The following EYS variants were observed in gnomAD, a reference collection of about 807,000 sequenced individuals.
EYS encodes the protein EGF-like photoreceptor maintenance factor.
EYS carries 250 observed loss-of-function variants against 282.1 expected under a neutral mutation model. The observed-to-expected ratio is 0.89, with a 90% CI of 0.80 to 0.98. The LOEUF (loss-of-function observed/expected upper bound fraction) is 0.98. Among genes scored for constraint, EYS ranks in the 50% least tolerant of loss-of-function variants. EYS has a pLI of 0.00. For synonymous variants in EYS, 1,355 were observed against 1,282.9 expected (o/e 1.06, Z -1.20); for missense variants, 4,016 against 3,709.0 (o/e 1.08, Z -2.15).
intron 35 of EYS, among the ~76,000 whole-genome samples, chr6:63,872,685 G>A (rs548834191): frequency 7.2e-5 from 11 of 151,834 alleles, no homozygotes; most frequent in African/African-American, 2.4e-4. Context: ...TGCCATGTTG[G>A]CCAGGATGGT....
intron 37 of EYS, among the ~76,000 whole-genome samples, chr6:63,802,024 G>C (rs972168557): frequency 6.6e-6 from 1 of 152,120 alleles, no homozygotes; most frequent in Admixed American, 6.5e-5. Flanking sequence ...ATATTACTAG[G>C]CAATAACATC....
At chr6:64,552,299 A>G (rs922627182) in intron 26 of EYS, among the ~76,000 whole-genome samples, 1 of 152,098 alleles carries the variant, frequency 6.6e-6, no homozygotes, top group African/African-American at 2.4e-5. Flanking sequence ...TTAATATTTT[A>G]CTCCCAAACA....
chr6:65,266,987 T>G (rs866761029), intron 12 of EYS, among the ~76,000 whole-genome samples: 24 of 119,582 alleles, frequency 2.0e-4, no homozygotes, highest in African/African-American at 5.5e-4. Context: ...CATATATATA[T>G]ATAGAGAGAG....
chr6:64,826,874 A>G (rs1765077144), intron 19 of EYS, among the ~76,000 whole-genome samples: 1 of 151,592 alleles, frequency 6.6e-6, no homozygotes, highest in Non-Finnish European at 1.5e-5. Flanking sequence ...ACCTCAAAAC[A>G]TACTTTATGA....
At chr6:65,530,320 G>C (rs1378239383) in intron 2 of EYS, among the ~76,000 whole-genome samples, 1 of 152,118 alleles carries the variant, frequency 6.6e-6, no homozygotes, top group Non-Finnish European at 1.5e-5. Flanking sequence ...TCCAAAGTAG[G>C]AGTCAGCAAA....
intron 41 of EYS, among the ~76,000 whole-genome samples, chr6:63,731,055 A>G (rs1768769500): frequency 6.6e-6 from 1 of 152,166 alleles, no homozygotes; most frequent in Non-Finnish European, 1.5e-5. Flanking sequence ...ATACTGATAA[A>G]CATACTTAAT....
At chr6:64,668,264 AC>A (rs1429094960) in intron 22 of EYS, among the ~76,000 whole-genome samples, 8 of 152,192 alleles carry the variant, frequency 5.3e-5, no homozygotes, top group Non-Finnish European at 1.2e-4. Context: ...AATAAAACAA[AC>A]CTTTTGGAAG....
At chr6:64,481,535 C>T (rs200390818) in intron 26 of EYS, among the ~76,000 whole-genome samples, 1 of 150,818 alleles carries the variant, frequency 6.6e-6, no homozygotes, top group East Asian at 1.9e-4. Context: ...CACACATACA[C>T]ATATATACAT....
intron 12 of EYS, among the ~76,000 whole-genome samples, chr6:65,235,142 GA>G (rs1766889735): frequency 6.6e-6 from 1 of 152,178 alleles, no homozygotes; most frequent in South Asian, 2.1e-4. Flanking sequence ...GCCTAAGCTA[GA>G]TGTTCTGCCT....
At chr6:64,741,989 T>A (rs887676353) in intron 22 of EYS, among the ~76,000 whole-genome samples, 2 of 152,298 alleles carry the variant, frequency 1.3e-5, no homozygotes, top group Non-Finnish European at 2.9e-5. Flanking sequence ...TATTTTTTTT[T>A]ATTTGCATTC....
chr6:65,015,655 TG>T, intron 13 of EYS, among the ~76,000 whole-genome samples: 1 of 152,152 alleles, frequency 6.6e-6, no homozygotes, highest in East Asian at 1.9e-4. Flanking sequence ...CATACATATT[TG>T]GTAGGAAAAA....
At chr6:64,604,125 A>C (rs1313497928) in intron 24 of EYS, among the ~76,000 whole-genome samples, 1 of 151,856 alleles carries the variant, frequency 6.6e-6, no homozygotes, top group Non-Finnish European at 1.5e-5. Flanking sequence ...CTTGGTTTAG[A>C]ATAATTCATC....
chr6:64,931,097 G>A (rs1221767805), intron 15 of EYS, among the ~76,000 whole-genome samples: 1 of 152,112 alleles, frequency 6.6e-6, no homozygotes, highest in African/African-American at 2.4e-5. Flanking sequence ...CAGTTGTTTA[G>A]AGAGATGAGC....
intron 10 of EYS, among the ~76,000 whole-genome samples, chr6:65,341,678 TATA>T (rs1397634302): frequency 1.3e-5 from 2 of 151,274 alleles, no homozygotes; most frequent in African/African-American, 2.4e-5. Flanking sequence ...TTAAACTGTC[TATA>T]ATAATTTGTT....
intron 36 of EYS, among the ~76,000 whole-genome samples, chr6:63,848,623 T>A (rs1357112450): frequency 2.0e-5 from 3 of 151,994 alleles, no homozygotes; most frequent in Non-Finnish European, 2.9e-5. Context: ...TGTGAGGGGC[T>A]GTGTCACGAG....
intron 35 of EYS, among the ~76,000 whole-genome samples, chr6:63,903,145 C>A (rs1002881293): frequency 6.6e-6 from 1 of 151,918 alleles, no homozygotes; most frequent in African/African-American, 2.4e-5. Context: ...GGTGTAGGTG[C>A]AGTGGAGGAG....
At chr6:63,975,933 G>C (rs1324550220) in intron 35 of EYS, among the ~76,000 whole-genome samples, 1 of 151,954 alleles carries the variant, frequency 6.6e-6, no homozygotes, top group African/African-American at 2.4e-5. Flanking sequence ...AGATGGCATA[G>C]CTTACTATCC....
At chr6:64,957,352 C>T (rs1041190824) in intron 14 of EYS, among the ~76,000 whole-genome samples, 1 of 151,942 alleles carries the variant, frequency 6.6e-6, no homozygotes, top group African/African-American at 2.4e-5. Context: ...CATGTTCTCA[C>T]TTAGTTGTGA....
At chr6:64,989,865 G>A (rs1038871601) in intron 14 of EYS, among the ~76,000 whole-genome samples, 6 of 148,980 alleles carry the variant, frequency 4.0e-5, no homozygotes, top group African/African-American at 1.2e-4. Flanking sequence ...CAGGTTTATT[G>A]TAGGAAGTAG....
Sources: gnomAD v4.1 joint callset for allele counts (sites outside exome capture counted in the v4.1 genomes callset) on GRCh38, gnomAD v4.1.1 for gene constraint, MANE v1.5 for transcripts, NCBI Gene and HGNC (gene_info 2026-07-23, HGNC 2026-07-21) for gene names.